ST6GALNAC3: variants seen among roughly 807,000 people sequenced by gnomAD.
The protein encoded by ST6GALNAC3 is alpha-N-acetylgalactosaminide alpha-2,6-sialyltransferase 3.
A neutral mutation model predicts 32.7 loss-of-function variants in ST6GALNAC3; 25 were observed. The ratio of observed to expected loss-of-function variants is 0.76; its 90% CI spans 0.56 to 1.07. The LOEUF (loss-of-function observed/expected upper bound fraction) is 1.07, where lower values mean the gene tolerates loss of function less well. ST6GALNAC3 is among the 50% of genes least tolerant of loss of function. ST6GALNAC3 has a pLI of 0.00. For synonymous variants in ST6GALNAC3, 129 were observed against 133.1 expected (o/e 0.97, Z 0.21); for missense variants, 355 against 382.4 (o/e 0.93, Z 0.60).
intron 2 of ST6GALNAC3, among the ~76,000 whole-genome samples, chr1:76,349,106 C>T (rs1347824870): frequency 2.0e-5 from 3 of 152,144 alleles, no homozygotes; most frequent in African/African-American, 7.2e-5. Flanking sequence ...AAAATCAGTT[C>T]TTCTGATATT....
intron 3 of ST6GALNAC3, among the ~76,000 whole-genome samples, chr1:76,613,760 C>T (rs1453669575): frequency 2.6e-5 from 4 of 152,322 alleles, no homozygotes; most frequent in South Asian, 2.1e-4. Context: ...CTTTGACTTC[C>T]GTCATGATTG....
In ST6GALNAC3 at chr1:76,553,902, C is replaced by A. The variant is rs535327814; in HGVS notation, c.624-73550C>A. Among the ~76,000 whole-genome samples the A allele has an allele frequency of 2.0e-5, 3 of 152,138 alleles. No individual in the cohort carries two copies. In the South Asian group the frequency reaches 6.2e-4, roughly 32 times the overall value. On this transcript the variant is annotated intron_variant, in intron 3 of 4. Transcript: ENST00000328299. ...TACTGTTTCTGTCTAATTACACTCA[C>A]GTATTCATACAATTACTGTGAAATT...
intron 2 of ST6GALNAC3, among the ~76,000 whole-genome samples, chr1:76,316,962 A>G (rs1646877085): frequency 6.6e-6 from 1 of 152,050 alleles, no homozygotes. Flanking sequence ...AGGCAATTTG[A>G]TTTTCTATAA....
chr1:76,400,365 C>CT (rs1352344276), intron 2 of ST6GALNAC3, among the ~76,000 whole-genome samples: 4 of 152,084 alleles, frequency 2.6e-5, no homozygotes, highest in African/African-American at 9.7e-5. Context: ...TTCTCCCCAA[C>CT]TTTTTTTGTT....
At chr1:76,545,294 C>T (rs553511592) in intron 3 of ST6GALNAC3, among the ~76,000 whole-genome samples, 6 of 152,242 alleles carry the variant, frequency 3.9e-5, no homozygotes, top group Admixed American at 2.6e-4. Context: ...TGTAGCATTC[C>T]TAAGTCAGGG....
chr1:76,078,564 G>C (rs1371224535), intron 1 of ST6GALNAC3, among the ~76,000 whole-genome samples: 1 of 152,136 alleles, frequency 6.6e-6, no homozygotes, highest in East Asian at 1.9e-4. Flanking sequence ...CAAGTTTCTT[G>C]ATTTCACTAC....
intron 2 of ST6GALNAC3, among the ~76,000 whole-genome samples, chr1:76,396,429 C>T (rs1361722757): frequency 1.3e-5 from 2 of 152,194 alleles, no homozygotes; most frequent in Admixed American, 1.3e-4. Flanking sequence ...GGGGCCACTG[C>T]ACTCCTACTT....
intron 2 of ST6GALNAC3, among the ~76,000 whole-genome samples, chr1:76,341,605 TTTTC>T (rs61587390): frequency 0.089 from 8,155 of 91,120 alleles, 239 homozygotes; most frequent in Non-Finnish European, 0.1. Flanking sequence ...TCCAAACTGC[TTTTC>T]TTTCTTTCTT....
At chr1:76,177,760 G>A (rs542473392) in intron 1 of ST6GALNAC3, among the ~76,000 whole-genome samples, 1 of 152,116 alleles carries the variant, frequency 6.6e-6, no homozygotes, top group Non-Finnish European at 1.5e-5. Flanking sequence ...CATTCAGATC[G>A]CTGTGTACAG....
Position 76,239,345 on chromosome 1 carries a change from A to G in ST6GALNAC3, c.19-74460A>G, listed in dbSNP as rs895465637. Among the ~76,000 whole-genome samples, 3 of 152,166 alleles carry G rather than the reference A, an allele frequency of 2.0e-5. No individual in the cohort carries two copies. In the East Asian group the frequency reaches 5.8e-4, roughly 29 times the overall value. On this transcript the variant is annotated intron_variant, in intron 1 of 4. Transcript: ENST00000328299. ...GGGGAAGGATGTGGAGAGAGGATGT[A>G]TTAATCCATTGTGCATTGCTATAAA...
chr1:76,293,419 A>T (rs993204665), intron 1 of ST6GALNAC3, among the ~76,000 whole-genome samples: 4 of 152,178 alleles, frequency 2.6e-5, no homozygotes, highest in Admixed American at 1.3e-4. Flanking sequence ...ACAAATTCTC[A>T]TATGGCATTA....
chr1:76,081,335 T>C (rs2100722708), intron 1 of ST6GALNAC3, among the ~76,000 whole-genome samples: 1 of 152,138 alleles, frequency 6.6e-6, no homozygotes, highest in South Asian at 2.1e-4. Flanking sequence ...TCATAATGTT[T>C]TAAGAATGTT....
chr1:76,084,320 A>T (rs1484511165), intron 1 of ST6GALNAC3, among the ~76,000 whole-genome samples: 1 of 152,144 alleles, frequency 6.6e-6, no homozygotes, highest in Non-Finnish European at 1.5e-5. Flanking sequence ...TTTATCTGAA[A>T]ATGCAGTCCT....
intron 2 of ST6GALNAC3, among the ~76,000 whole-genome samples, chr1:76,375,294 A>G (rs1250078845): frequency 6.6e-6 from 1 of 152,204 alleles, no homozygotes; most frequent in African/African-American, 2.4e-5. Flanking sequence ...TTATTTCCTC[A>G]TTCAAGGAGG....
chr1:76,164,684 CAGTA>C (rs2100392304), intron 1 of ST6GALNAC3, among the ~76,000 whole-genome samples: 1 of 152,118 alleles, frequency 6.6e-6, no homozygotes. Flanking sequence ...TATGTACTTA[CAGTA>C]AGTCCATAAT....
intron 3 of ST6GALNAC3, among the ~76,000 whole-genome samples, chr1:76,528,139 A>G (rs1250891073): frequency 1.3e-5 from 2 of 152,140 alleles, no homozygotes; most frequent in Non-Finnish European, 2.9e-5. Context: ...AATAGCCTCA[A>G]TATCATGCCT....
chr1:76,368,365 T>C (rs1389585008), intron 2 of ST6GALNAC3, among the ~76,000 whole-genome samples: 7 of 152,090 alleles, frequency 4.6e-5, no homozygotes, highest in East Asian at 1.9e-4. Context: ...ATGCTGTTTC[T>C]GTTTCATGAA....
chr1:76,153,824 C>T (rs1570220928), intron 1 of ST6GALNAC3, among the ~76,000 whole-genome samples: 1 of 152,260 alleles, frequency 6.6e-6, no homozygotes, highest in East Asian at 1.9e-4. Flanking sequence ...CTTCCCTTCT[C>T]GTTTTTCTCT....
At chr1:76,182,958 G>C (rs1243271200) in intron 1 of ST6GALNAC3, among the ~76,000 whole-genome samples, 17 of 152,194 alleles carry the variant, frequency 1.1e-4, no homozygotes, top group Non-Finnish European at 1.5e-4. Context: ...TCCCATTTGA[G>C]AAATGGAATC....
Sources: allele counts gnomAD v4.1 joint callset (sites outside exome capture counted in the v4.1 genomes callset), GRCh38; gene constraint gnomAD v4.1.1; transcripts MANE v1.5; gene names NCBI Gene and HGNC (gene_info 2026-07-23, HGNC 2026-07-21).